The following PDE3A variants were observed in gnomAD, a reference collection of about 807,000 sequenced individuals.
PDE3A encodes phosphodiesterase 3A.
In PDE3A, 43 loss-of-function variants were observed where a neutral mutation model predicts 98.3. That is an observed-to-expected ratio of 0.44 (90% CI 0.34 to 0.56). The LOEUF (loss-of-function observed/expected upper bound fraction) is 0.56. Among genes scored for constraint, PDE3A ranks in the 20% least tolerant of loss-of-function variants. PDE3A has a pLI of 0.01. For synonymous variants in PDE3A, 663 were observed against 567.9 expected (o/e 1.17, Z -2.38); for missense variants, 1,427 against 1,440.7 (o/e 0.99, Z 0.15).
At chr12:20,414,461 C>T (rs1944387264) in intron 1 of PDE3A, among the ~76,000 whole-genome samples, 1 of 152,158 alleles carries the variant, frequency 6.6e-6, no homozygotes, top group Non-Finnish European at 1.5e-5. Flanking sequence ...TAGAAAGTCT[C>T]CTAAGTCTAT....
intron 1 of PDE3A, among the ~76,000 whole-genome samples, chr12:20,506,811 T>G (rs1946127750): frequency 6.6e-6 from 1 of 152,046 alleles, no homozygotes; most frequent in African/African-American, 2.4e-5. Context: ...AGTTAATTCA[T>G]TATTTTTATG....
intron 1 of PDE3A, among the ~76,000 whole-genome samples, chr12:20,438,688 T>C (rs1011524661): frequency 4.6e-5 from 7 of 152,172 alleles, no homozygotes; most frequent in Non-Finnish European, 8.8e-5. Flanking sequence ...TGTGCCTTGC[T>C]TCTAGTCCAA....
In PDE3A at chr12:20,368,875, G is replaced by T. The variant is rs1271027199; in HGVS notation, c.-410G>T. On this transcript the variant is annotated 5_prime_UTR_variant, in exon 1 of 16. Coordinates refer to ENST00000359062, the MANE Select transcript of PDE3A (RefSeq NM_000921.5). ...GCCCTGCGCCCCCGGCTCCTCCAGC[G>T]TCAGCGGCTCCTGCGCGCGGGATGC... Among the ~76,000 whole-genome samples the T allele has an allele frequency of 6.6e-6, 1 of 151,966 alleles. No individual in the cohort carries two copies. The highest frequency in any genetic ancestry group is 2.4e-5 in the African/African-American group (1 of 41,400).
At chr12:20,420,586 A>G (rs1370078947) in intron 1 of PDE3A, among the ~76,000 whole-genome samples, 2 of 152,116 alleles carry the variant, frequency 1.3e-5, no homozygotes, top group African/African-American at 4.8e-5. Context: ...GCAATTGTAC[A>G]CGTATTGCAA....
At chr12:20,606,283 C>T (rs781587931) in intron 2 of PDE3A, among the ~76,000 whole-genome samples, 43 of 151,976 alleles carry the variant, frequency 2.8e-4, no homozygotes, top group Non-Finnish European at 6.0e-4. Context: ...TTTAGAAATT[C>T]TCCAGTTCTC....
At chr12:20,429,638 T>C (rs1403118972) in intron 1 of PDE3A, among the ~76,000 whole-genome samples, 1 of 152,168 alleles carries the variant, frequency 6.6e-6, no homozygotes, top group East Asian at 1.9e-4. Flanking sequence ...GTAGATATTG[T>C]TGAGTGACTT....
intron 2 of PDE3A, among the ~76,000 whole-genome samples, chr12:20,591,974 A>G (rs1943349722): frequency 6.6e-6 from 1 of 152,230 alleles, no homozygotes; most frequent in Non-Finnish European, 1.5e-5. Context: ...CTGGTGATAT[A>G]ATAAAGGGTT....
intron 1 of PDE3A, among the ~76,000 whole-genome samples, chr12:20,372,384 T>C (rs539299421): frequency 6.6e-6 from 1 of 152,218 alleles, no homozygotes; most frequent in African/African-American, 2.4e-5. Context: ...GAAATTGAGA[T>C]ACTTGAAGTT....
chr12:20,654,229 ATG>A, intron 15 of PDE3A, 24 bp downstream of exon 15: 1 of 1,609,442 alleles, frequency 6.2e-7, no homozygotes, highest in South Asian at 1.1e-5. Flanking sequence ...CCTAGTTCTA[ATG>A]TGTTTTCCCT....
At chr12:20,470,432 G>A (rs960662665) in intron 1 of PDE3A, among the ~76,000 whole-genome samples, 9 of 152,064 alleles carry the variant, frequency 5.9e-5, no homozygotes, top group Non-Finnish European at 7.3e-5. Context: ...GTGTCCCAGG[G>A]TTTCAAGTAT....
At chr12:20,650,982 A>G (rs1166449750) in intron 14 of PDE3A, among the ~76,000 whole-genome samples, 2 of 152,190 alleles carry the variant, frequency 1.3e-5, no homozygotes, top group African/African-American at 4.8e-5. Context: ...ATATCACATT[A>G]ATTTCACTTA....
At chr12:20,656,493 A>T (rs187437540) in intron 15 of PDE3A, among the ~76,000 whole-genome samples, 3 of 152,358 alleles carry the variant, frequency 2.0e-5, no homozygotes, top group Admixed American at 2.0e-4. Flanking sequence ...CTACTGTCAA[A>T]GTAATTATAT....
intron 1 of PDE3A, among the ~76,000 whole-genome samples, chr12:20,399,501 T>G (rs1944081508): frequency 6.6e-6 from 1 of 152,172 alleles, no homozygotes; most frequent in Non-Finnish European, 1.5e-5. Context: ...TGAAACACAT[T>G]TAGCACATTA....
chr12:20,495,992 C>A (rs1050064214), intron 1 of PDE3A, among the ~76,000 whole-genome samples: 5 of 152,188 alleles, frequency 3.3e-5, no homozygotes, highest in Non-Finnish European at 7.4e-5. Context: ...TTTTTATTCT[C>A]ATTGTCATCA....
chr12:20,643,009 G>A (rs1279922375), intron 10 of PDE3A, among the ~76,000 whole-genome samples: 1 of 152,108 alleles, frequency 6.6e-6, no homozygotes, highest in Non-Finnish European at 1.5e-5. Flanking sequence ...CTGTGCTTGA[G>A]GGAAAAGGAG....
At chr12:20,370,400 G>GTTTGT (rs1943448730) in intron 1 of PDE3A, 156 bp downstream of exon 1, 3 of 359,324 alleles carry the variant, frequency 8.3e-6, no homozygotes, top group Non-Finnish European at 1.4e-5. Context: ...TTTTTTTTTT[G>GTTTGT]TTTTTTTTGT....
chr12:20,506,912 A>G (rs563410508), intron 1 of PDE3A, among the ~76,000 whole-genome samples: 1 of 152,054 alleles, frequency 6.6e-6, no homozygotes, highest in African/African-American at 2.4e-5. Context: ...TTTGTGAGAA[A>G]CAGGTCATTT....
chr12:20,644,001 C>T (rs187961591), intron 10 of PDE3A, among the ~76,000 whole-genome samples: 27 of 152,150 alleles, frequency 1.8e-4, no homozygotes, highest in Admixed American at 1.7e-3. Flanking sequence ...GTGATACTGC[C>T]CCCCATCCAC....
At chr12:20,624,263 G>T (rs918609875) in intron 5 of PDE3A, among the ~76,000 whole-genome samples, 3 of 152,066 alleles carry the variant, frequency 2.0e-5, no homozygotes, top group Non-Finnish European at 2.9e-5. Context: ...TAATGGAAGG[G>T]TTTGGTTTTC....
Sources: gnomAD v4.1 joint callset for allele counts (sites outside exome capture counted in the v4.1 genomes callset) on GRCh38, gnomAD v4.1.1 for gene constraint, MANE v1.5 for transcripts, NCBI Gene and HGNC (gene_info 2026-07-23, HGNC 2026-07-21) for gene names.